The following PPFIBP2 variants were observed in gnomAD, a reference collection of about 807,000 sequenced individuals.
PPFIBP2 encodes the protein liprin-beta-2.
In PPFIBP2, 118 loss-of-function variants were observed where a neutral mutation model predicts 118.3. That is an observed-to-expected ratio of 1.00 (90% CI 0.86 to 1.16). The LOEUF (loss-of-function observed/expected upper bound fraction) is 1.16. Ranked by LOEUF, PPFIBP2 falls within the 50% of genes most tolerant of loss-of-function variation. The pLI is 0.00. For synonymous variants in PPFIBP2, 414 were observed against 397.4 expected (o/e 1.04, Z -0.50); for missense variants, 1,195 against 1,073.1 (o/e 1.11, Z -1.59).
At chr11:7,655,347 C>T (rs1165052380), downstream of PPFIBP2, 1 of 1,084,700 alleles carries the variant, frequency 9.2e-7, no homozygotes, top group African/African-American at 1.6e-5. Context: ...AGAAGCCAGG[C>T]TTGAGCACGA....
chr11:7,658,393 G>C (rs1483893820), downstream of PPFIBP2, among the ~76,000 whole-genome samples: 2 of 102,216 alleles, frequency 2.0e-5, no homozygotes, highest in Non-Finnish European at 1.9e-5. Flanking sequence ...GAGAATATGC[G>C]GTGTTTGGTT....
intron 4 of PPFIBP2, among the ~76,000 whole-genome samples, chr11:7,597,034 G>T (rs1182650259): frequency 6.6e-6 from 1 of 152,156 alleles, no homozygotes; most frequent in Non-Finnish European, 1.5e-5. Context: ...CTGGAGCCAA[G>T]TTTTGTCAGT....
In PPFIBP2 at chr11:7,516,819, G is replaced by GC. The variant is rs888709614; in HGVS notation, c.-37+2699dup. 8.7e-4 allele frequency among the ~76,000 whole-genome samples: 133 copies of GC among 152,204 alleles called. 1 individual carries two copies. The highest frequency in any genetic ancestry group is 3.2e-3 in the African/African-American group (131 of 41,532). On this transcript the variant is annotated intron_variant, in intron 1 of 23. Transcript: ENST00000299492. ...TGTCTTGCTGATGCACACTGCTGGC[G>GC]CAACTGGCCTTGCACCTTGGGACTG...
At chr11:7,651,281 A>C in intron 22 of PPFIBP2, 1 of 330,194 alleles carries the variant, frequency 3.0e-6, no homozygotes, top group Non-Finnish European at 5.6e-6. Flanking sequence ...AGCCGTAAAA[A>C]TGCAGCTTCC....
the PPFIBP2 span, chr11:7,665,933 C>T: frequency 1.3e-6 from 2 of 1,535,830 alleles, no homozygotes; most frequent in Non-Finnish European, 8.7e-7. Flanking sequence ...CTCTGCCGAC[C>T]AGGGACCTGT....
At chr11:7,621,869 G>T (rs1247956745) in intron 7 of PPFIBP2, among the ~76,000 whole-genome samples, 1 of 151,974 alleles carries the variant, frequency 6.6e-6, no homozygotes, top group African/African-American at 2.4e-5. Context: ...TTTATTTTTT[G>T]TGCAAGTTAG....
chr11:7,629,623 C>T, intron 10 of PPFIBP2, 89 bp downstream of exon 10: 5 of 1,303,058 alleles, frequency 3.8e-6, no homozygotes, highest in East Asian at 2.3e-5. Context: ...GCAGCTGTTT[C>T]ACCTCTGTTT....
intron 17 of PPFIBP2, among the ~76,000 whole-genome samples, chr11:7,643,466 T>C (rs1852514771): frequency 6.6e-6 from 1 of 152,234 alleles, no homozygotes; most frequent in Non-Finnish European, 1.5e-5. Flanking sequence ...TCAGTAGCTT[T>C]CTTTGCCAAA....
chr11:7,617,005 C>A, intron 6 of PPFIBP2: 2 of 493,458 alleles, frequency 4.1e-6, no homozygotes, highest in Non-Finnish European at 5.3e-6. Flanking sequence ...GTGCCACCTG[C>A]TCCCTGCCCC....
intron 6 of PPFIBP2, among the ~76,000 whole-genome samples, chr11:7,620,468 A>G (rs930047803): frequency 9.9e-5 from 15 of 152,092 alleles, no homozygotes; most frequent in African/African-American, 3.1e-4. Context: ...GGGTTCCTCT[A>G]TGAGGCCTTT....
intron 3 of PPFIBP2, among the ~76,000 whole-genome samples, chr11:7,591,437 G>A (rs1036530711): frequency 1.1e-5 from 1 of 88,800 alleles, no homozygotes; most frequent in Admixed American, 1.2e-4. Context: ...TGACAGAGAA[G>A]AAGTTGACCT....
At chr11:7,551,731 C>T (rs1853019447) in intron 2 of PPFIBP2, among the ~76,000 whole-genome samples, 1 of 152,216 alleles carries the variant, frequency 6.6e-6, no homozygotes. Flanking sequence ...AATCAGACTT[C>T]TAAAGAAAAG....
At chr11:7,584,889 C>T (rs1369806645) in intron 3 of PPFIBP2, among the ~76,000 whole-genome samples, 4 of 152,184 alleles carry the variant, frequency 2.6e-5, no homozygotes, top group Non-Finnish European at 5.9e-5. Context: ...AGCTATGGTT[C>T]ACTTGTAACT....
chr11:7,628,809 TAA>T (rs952872862), intron 9 of PPFIBP2, among the ~76,000 whole-genome samples: 3 of 152,188 alleles, frequency 2.0e-5, no homozygotes, highest in South Asian at 2.1e-4. Flanking sequence ...CCTCTATAAA[TAA>T]AGAGTGCCTG....
chr11:7,665,842 A>G, the PPFIBP2 span: 11 of 1,535,558 alleles, frequency 7.2e-6, no homozygotes, highest in African/African-American at 1.4e-5. Context: ...TGTGTGAATC[A>G]GTACAGCCAG....
At chr11:7,570,289 A>G (rs927152179) in intron 3 of PPFIBP2, among the ~76,000 whole-genome samples, 1 of 152,190 alleles carries the variant, frequency 6.6e-6, no homozygotes, top group African/African-American at 2.4e-5. Context: ...AGGCTGATAC[A>G]CAGTGTTGAT....
chr11:7,667,154 G>C, the PPFIBP2 span: 2 of 152,122 alleles, frequency 1.3e-5, no homozygotes, highest in Non-Finnish European at 2.9e-5. Flanking sequence ...TTCTGTTTTA[G>C]AAAATAATCT....
chr11:7,654,656 A>G (rs1164152306), downstream of PPFIBP2, among the ~76,000 whole-genome samples: 2 of 152,248 alleles, frequency 1.3e-5, no homozygotes, highest in Non-Finnish European at 2.9e-5. Context: ...CTGGATGACA[A>G]GTGCTCATTC....
intron 14 of PPFIBP2, among the ~76,000 whole-genome samples, chr11:7,638,249 C>T (rs2135851014): frequency 6.6e-6 from 1 of 152,316 alleles, no homozygotes; most frequent in African/African-American, 2.4e-5. Context: ...TTATGAAGAG[C>T]AGCCGGCACA....
Sources: gnomAD v4.1 joint callset for allele counts (sites outside exome capture counted in the v4.1 genomes callset) on GRCh38, gnomAD v4.1.1 for gene constraint, MANE v1.5 for transcripts, NCBI Gene and HGNC (gene_info 2026-07-23, HGNC 2026-07-21) for gene names.